ZPBP2: variants seen among roughly 807,000 people sequenced by gnomAD.
ZPBP2 encodes the protein zona pellucida binding protein 2.
A neutral mutation model predicts 37.5 loss-of-function variants in ZPBP2; 34 were observed. That is an observed-to-expected ratio of 0.91 (90% confidence interval 0.69 to 1.21). The LOEUF is 1.21. Among genes scored for constraint, ZPBP2 ranks in the 50% most tolerant of loss-of-function variants. The pLI is 0.00. For synonymous variants in ZPBP2, 143 were observed against 138.4 expected, an observed-to-expected ratio of 1.03 and a Z score of -0.23; for missense variants, 397 against 413.5, an observed-to-expected ratio of 0.96 and a Z score of 0.35.
At chr17:39,868,683 C>T in intron 2 of ZPBP2, 69 bp downstream of exon 2, 2 of 1,572,390 alleles carry the variant, frequency 1.3e-6, no homozygotes, top group Non-Finnish European at 1.7e-6. Context: ...CCCGGAAGAG[C>T]TTCCTGGAGA....
intron 2 of ZPBP2, 114 bp downstream of exon 2, chr17:39,868,728 T>C: frequency 1.7e-6 from 2 of 1,188,504 alleles, no homozygotes; most frequent in East Asian, 4.7e-5. Context: ...TGAGCATCTA[T>C]TATACTAAGC....
rs1270863988 is a variant in ZPBP2 at position 39,870,613 on chromosome 17, T to A, written c.119-81T>A. 3 of 829,166 alleles carry A rather than the reference T, an allele frequency of 3.6e-6. No individual in the cohort carries two copies. The South Asian group carries it at 1.3e-4, about 35-fold the overall frequency. 51.4% of individuals were successfully genotyped at this position (829,166 alleles called of 1,614,324 possible). A position where few individuals can be genotyped will look rare whatever the true frequency, so the allele number is the denominator to read the frequency against. On this transcript the variant is annotated intron_variant, in intron 2 of 7. Transcript: ENST00000348931. Reference sequence around the variant, plus strand: ...ATCCAACAAGAACTAATTCGTGTCTTCAGCACAAAATGGTAGGAGTATATT... The same window carrying A: ...ATCCAACAAGAACTAATTCGTGTCTACAGCACAAAATGGTAGGAGTATATT...
chr17:39,871,360 A>C, intron 3 of ZPBP2, 104 bp from the exon 4 acceptor site: 5 of 663,632 alleles, frequency 7.5e-6, no homozygotes, highest in Non-Finnish European at 1.2e-5. Context: ...AAGTTGAGAT[A>C]GTTCATTAAT....
chr17:39,872,921 G>C, intron 5 of ZPBP2, 123 bp from the exon 6 acceptor site: 1 of 769,286 alleles, frequency 1.3e-6, no homozygotes, highest in Non-Finnish European at 2.1e-6. Context: ...TTTATTACTA[G>C]GATTAGATAG....
At chr17:39,870,439 A>G (rs2063359256) in intron 2 of ZPBP2, among the ~76,000 whole-genome samples, 1 of 151,452 alleles carries the variant, frequency 6.6e-6, no homozygotes, top group African/African-American at 2.5e-5. Context: ...TAAATATATC[A>G]TGTGTATTTT....
intron 5 of ZPBP2, among the ~76,000 whole-genome samples, chr17:39,872,704 C>G (rs2144642788): frequency 6.6e-6 from 1 of 152,228 alleles, no homozygotes; most frequent in South Asian, 2.1e-4. Context: ...TCTTAAAAAT[C>G]AATATTTTAT....
At position 39,868,264 on chromosome 17, in the gene ZPBP2, C is replaced by T. The variant is rs909155631; in HGVS notation, c.-91C>T. The T allele has an allele frequency of 1.4e-6, 2 of 1,480,870 alleles. No individual in the cohort carries two copies. The highest frequency in any genetic ancestry group is 2.7e-5 in the African/African-American group (2 of 72,866). 91.7% of individuals were successfully genotyped at this position (1,480,870 alleles called of 1,614,324 possible). A position where few individuals can be genotyped will look rare whatever the true frequency, so the allele number is the denominator to read the frequency against. On this transcript the variant is annotated 5_prime_UTR_variant, in exon 1 of 8. Transcript: ENST00000348931. ...GAGGCGACCCCGGCGTTCTGCTCCG[C>T]ACTGTGGAGGAGGTGGGGAGGTGTT...
intron 6 of ZPBP2, among the ~76,000 whole-genome samples, chr17:39,874,342 A>G (rs142599882): frequency 6.6e-6 from 1 of 151,596 alleles, no homozygotes; most frequent in African/African-American, 2.4e-5. Context: ...TTTGATGATC[A>G]TGGAAATTAG....
intron 2 of ZPBP2, among the ~76,000 whole-genome samples, chr17:39,870,228 G>A (rs2063357756): frequency 6.6e-6 from 1 of 151,998 alleles, no homozygotes; most frequent in African/African-American, 2.4e-5. Flanking sequence ...ATTTTTAGTA[G>A]AGAGGGGGTT....
rs772544617 is a variant in ZPBP2, at chr17:39,872,464, C to T, written c.601C>T (p.His201Tyr). The change falls in exon 5 of 8, where the codon CAT becomes TAT. Residue 201 changes from histidine to tyrosine, a missense_variant. His to Tyr is a moderately conservative substitution (Grantham distance 83, BLOSUM62 2). Coordinates refer to ENST00000348931, the MANE Select transcript of ZPBP2 (RefSeq NM_199321.3). ...TGAAATTCCAGAACATGGCCTCATA[C>T]ATGAGCTATTTATAGCATTTCAAGG... ...SVEIPEHGLI[H>Y]ELFIAFQVNP... The T allele has an allele frequency of 1.9e-6, 3 of 1,610,970 alleles. No homozygotes were observed. Among genetic ancestry groups the T allele is most frequent in the Admixed American group, 3.4e-5 (2 of 59,658 alleles).
chr17:39,874,071 C>G (rs1415789219), intron 6 of ZPBP2, among the ~76,000 whole-genome samples: 2 of 149,920 alleles, frequency 1.3e-5, no homozygotes, highest in Non-Finnish European at 3.0e-5. Context: ...CTGCAACCTC[C>G]ACCTCCCAGG....
At chr17:39,870,137 G>A (rs1202664257) in intron 2 of ZPBP2, among the ~76,000 whole-genome samples, 1 of 152,108 alleles carries the variant, frequency 6.6e-6, no homozygotes, top group African/African-American at 2.4e-5. Flanking sequence ...TCTGCCTCCC[G>A]GGTTCAAGCA....
intron 2 of ZPBP2, among the ~76,000 whole-genome samples, chr17:39,869,402 CTTCTTT>C (rs1435788198): frequency 7.0e-6 from 1 of 142,324 alleles, no homozygotes; most frequent in African/African-American, 2.7e-5. Flanking sequence ...TCCTTCCTTC[CTTCTTT>C]TTTTTTTTTT....
rs79376534 is a variant in ZPBP2, at chr17:39,871,856, G to A, written c.406+231G>A. Among the ~76,000 whole-genome samples the A allele has an allele frequency of 1.6e-4, 25 of 152,126 alleles. No homozygotes were observed. In the East Asian group the frequency reaches 3.5e-3, roughly 21 times the overall value. On this transcript the variant is annotated intron_variant, in intron 4 of 7. Coordinates refer to ENST00000348931, the MANE Select transcript of ZPBP2 (RefSeq NM_199321.3). ...CTTGCCTCTATCTAGATATGTAAGC[G>A]CATCTACTTTATCACAATTTAGCAG...
chr17:39,870,550 C>T (rs553451081), intron 2 of ZPBP2, 144 bp from the exon 3 acceptor site: 221 of 425,332 alleles, frequency 5.2e-4, no homozygotes, highest in Non-Finnish European at 7.4e-4. Flanking sequence ...TTCAGACGAG[C>T]GTTCTAAATG....
At position 39,875,447 on chromosome 17, in the gene ZPBP2, T is replaced by A; in HGVS notation, c.889+13T>A. On this transcript the variant is annotated intron_variant, in intron 7 of 7. Transcript: ENST00000348931. ...GCTAGCTGTTGTGGTAACTATAAAATATAAATATCTAAACATTTAGGTTAT... is the reference window on the plus strand; with the variant it reads ...GCTAGCTGTTGTGGTAACTATAAAAAATAAATATCTAAACATTTAGGTTAT... 1 of 1,554,422 alleles carries A rather than the reference T, an allele frequency of 6.4e-7. No individual in the cohort carries two copies. The highest frequency in any genetic ancestry group is 8.7e-7 in the Non-Finnish European group (1 of 1,151,760).
chr17:39,870,346 T>G (rs2063358823), intron 2 of ZPBP2, among the ~76,000 whole-genome samples: 1 of 152,246 alleles, frequency 6.6e-6, no homozygotes, highest in African/African-American at 2.4e-5. Flanking sequence ...CCCAGGCCTT[T>G]TCTGAACTTT....
intron 7 of ZPBP2, 97 bp downstream of exon 7, chr17:39,875,531 G>A: frequency 1.1e-6 from 1 of 903,300 alleles, no homozygotes; most frequent in Non-Finnish European, 1.5e-6. Flanking sequence ...TCTTTACAGT[G>A]ATTCTCTTAC....
At chr17:39,874,247 C>T (rs2063379177) in intron 6 of ZPBP2, among the ~76,000 whole-genome samples, 1 of 152,166 alleles carries the variant, frequency 6.6e-6, no homozygotes, top group East Asian at 1.9e-4. Flanking sequence ...CACATATCTG[C>T]CTCCCAAAGT....
Sources: gnomAD v4.1 joint callset for allele counts (sites outside exome capture counted in the v4.1 genomes callset) on GRCh38, gnomAD v4.1.1 for gene constraint, MANE v1.5 for transcripts, NCBI Gene and HGNC (gene_info 2026-07-23, HGNC 2026-07-21) for gene names.